Variants in DLG2 observed in about 807,000 individuals in gnomAD.
The protein encoded by DLG2 is disks large homolog 2.
In DLG2, 45 loss-of-function variants were observed where a neutral mutation model predicts 132.5. The ratio of observed to expected loss-of-function variants is 0.34; its 90% CI spans 0.27 to 0.44. The LOEUF is 0.44. DLG2 is among the 20% of genes least tolerant of loss of function. DLG2 has a pLI of 1.00. For synonymous variants in DLG2, 424 were observed against 419.6 expected, an observed-to-expected ratio of 1.01 and a Z score of -0.13; for missense variants, 1,045 against 1,196.9, an observed-to-expected ratio of 0.87 and a Z score of 1.87.
intron 11 of DLG2, among the ~76,000 whole-genome samples, chr11:84,047,350 C>T (rs1286196989): frequency 6.6e-6 from 1 of 151,612 alleles, no homozygotes; most frequent in Non-Finnish European, 1.5e-5. Context: ...GATGCCGATA[C>T]ATACCCAATA....
At chr11:85,610,402 A>C (rs1291277074) in intron 2 of DLG2, among the ~76,000 whole-genome samples, 2 of 152,222 alleles carry the variant, frequency 1.3e-5, no homozygotes, top group African/African-American at 4.8e-5. Flanking sequence ...GAGGAAGCAG[A>C]ATGGTTCACT....
chr11:84,924,940 AAC>A (rs2092921769), intron 6 of DLG2, among the ~76,000 whole-genome samples: 1 of 152,224 alleles, frequency 6.6e-6, no homozygotes, highest in South Asian at 2.1e-4. Flanking sequence ...TTCAGTTAAT[AAC>A]ACTTTCCCCT....
chr11:83,958,419 ACCAATAAGTAGAGGCAG>A (rs1258933195), intron 14 of DLG2, among the ~76,000 whole-genome samples: 1 of 152,142 alleles, frequency 6.6e-6, no homozygotes. Flanking sequence ...GATGTGAGGG[ACCAATAAGTAGAGGCAG>A]CCAGAAAGAC....
At chr11:83,672,860 AGACCAGCCTGACCAACATGGT>A (rs2077056955) in intron 18 of DLG2, among the ~76,000 whole-genome samples, 1 of 152,160 alleles carries the variant, frequency 6.6e-6, no homozygotes, top group Non-Finnish European at 1.5e-5. Context: ...CAGGAGTGTG[AGACCAGCCTGACCAACATGGT>A]GAAACCCGTC....
chr11:83,464,261 A>G (rs2090598563), intron 26 of DLG2, among the ~76,000 whole-genome samples: 1 of 152,218 alleles, frequency 6.6e-6, no homozygotes, highest in Non-Finnish European at 1.5e-5. Context: ...GCTCCTCTGA[A>G]GAGTCAGCTA....
chr11:85,547,398 T>C (rs1034125070), intron 3 of DLG2, among the ~76,000 whole-genome samples: 1 of 152,212 alleles, frequency 6.6e-6, no homozygotes, highest in Non-Finnish European at 1.5e-5. Flanking sequence ...TAACCTGACC[T>C]TTCTCTCTGG....
intron 3 of DLG2, among the ~76,000 whole-genome samples, chr11:85,547,578 T>A (rs1246270479): frequency 6.6e-6 from 1 of 152,180 alleles, no homozygotes; most frequent in Non-Finnish European, 1.5e-5. Flanking sequence ...CTGAAGAGTG[T>A]TTTCCAACTT....
chr11:85,050,929 C>A (rs1409917754), intron 6 of DLG2, among the ~76,000 whole-genome samples: 1 of 152,018 alleles, frequency 6.6e-6, no homozygotes, highest in Non-Finnish European at 1.5e-5. Context: ...CCTTTTTCGT[C>A]TAGCTGGGTC....
intron 6 of DLG2, among the ~76,000 whole-genome samples, chr11:85,031,947 C>CTTTT (rs11389028): frequency 5.8e-5 from 3 of 51,852 alleles, no homozygotes; most frequent in African/African-American, 8.6e-5. Flanking sequence ...TGACAACTGG[C>CTTTT]TTTTTTTTTT....
chr11:84,308,507 G>T (rs1364574977), intron 7 of DLG2, among the ~76,000 whole-genome samples: 2 of 152,222 alleles, frequency 1.3e-5, no homozygotes, highest in African/African-American at 4.8e-5. Context: ...TCCCGCACGG[G>T]GGCCACAGGT....
rs1316612740 is a variant in DLG2 at position 84,474,450 on chromosome 11, G to T, written c.519+60120C>A. On this transcript the variant is annotated intron_variant, in intron 7 of 27. Coordinates refer to ENST00000376104, the MANE Select transcript of DLG2 (RefSeq NM_001142699.3). ...ATTGTGACTCCTCTAAGGATGATTT[G>T]TGTGTAAGGAGAATTAAGAGGCCCC... 2.0e-5 allele frequency among the ~76,000 whole-genome samples: 3 copies of T among 152,030 alleles called. No homozygotes were observed. In the East Asian group the frequency reaches 5.8e-4, roughly 29 times the overall value.
chr11:84,545,251 A>G, intron 6 of DLG2: 1 of 482,386 alleles, frequency 2.1e-6, no homozygotes. Context: ...TCTGCCTCCT[A>G]AGGTTTCTCT....
chr11:83,945,971 C>CCTT (rs1414942647), intron 14 of DLG2, among the ~76,000 whole-genome samples: 6 of 142,228 alleles, frequency 4.2e-5, no homozygotes, highest in Middle Eastern at 3.7e-3. Flanking sequence ...CCTTCCTTTT[C>CCTT]TCTTTCTCTT....
intron 5 of DLG2, among the ~76,000 whole-genome samples, chr11:85,136,002 C>A (rs761739896): frequency 6.6e-5 from 10 of 152,080 alleles, no homozygotes; most frequent in Admixed American, 3.3e-4. Flanking sequence ...TAGGAGTTAA[C>A]TAGAAGTTAG....
rs531567274 is a variant in DLG2 at position 84,838,864 on chromosome 11, T to C, written c.357+272797A>G. Among the ~76,000 whole-genome samples, 18 of 152,164 alleles carry C rather than the reference T, an allele frequency of 1.2e-4. 1 individual carries two copies. Among genetic ancestry groups the C allele is most frequent in the Middle Eastern group, 6.8e-3 (2 of 294 alleles). ...ATATCAAAATATTAAGAGCTATGTA[T>C]GACAAACCCAAAGCCAATATCATAC... On this transcript the variant is annotated intron_variant, in intron 6 of 27. Transcript: ENST00000376104.
chr11:85,506,466 A>T (rs1374598165), intron 3 of DLG2, among the ~76,000 whole-genome samples: 2 of 152,002 alleles, frequency 1.3e-5, no homozygotes, highest in Admixed American at 1.3e-4. Context: ...CTTTTATTTC[A>T]TTATGTACCC....
At chr11:84,220,751 G>T (rs1381057495) in intron 8 of DLG2, among the ~76,000 whole-genome samples, 8 of 144,104 alleles carry the variant, frequency 5.6e-5, no homozygotes, top group South Asian at 2.3e-4. Flanking sequence ...CTTAAAAAGT[G>T]TCACGTGCTT....
intron 6 of DLG2, among the ~76,000 whole-genome samples, chr11:84,605,327 T>A (rs2099583499): frequency 6.6e-6 from 1 of 151,964 alleles, no homozygotes; most frequent in Non-Finnish European, 1.5e-5. Flanking sequence ...TATTAAATAC[T>A]GAAGTATTCT....
At chr11:85,202,019 CAG>C (rs954303786) in intron 4 of DLG2, among the ~76,000 whole-genome samples, 12 of 149,862 alleles carry the variant, frequency 8.0e-5, no homozygotes, top group African/African-American at 2.5e-4. Context: ...ATTTAAAACA[CAG>C]AGGAAAAATG....
Sources: gnomAD v4.1 joint callset for allele counts (sites outside exome capture counted in the v4.1 genomes callset) on GRCh38, gnomAD v4.1.1 for gene constraint, MANE v1.5 for transcripts, NCBI Gene and HGNC (gene_info 2026-07-23, HGNC 2026-07-21) for gene names.